Variants in CSMD3 observed in about 807,000 individuals in gnomAD.
The protein encoded by CSMD3 is CUB and sushi domain-containing protein 3.
CSMD3 carries 177 observed loss-of-function variants against 435.2 expected under a neutral mutation model. The observed-to-expected ratio is 0.41, with a 90% CI of 0.36 to 0.46. The LOEUF (loss-of-function observed/expected upper bound fraction) is 0.46, where lower values mean the gene tolerates loss of function less well. CSMD3 is among the 20% of genes least tolerant of loss of function. CSMD3 has a pLI of 0.34. For missense variants in CSMD3, 4,265 were observed against 4,504.6 expected (o/e 0.95, Z 1.52); for synonymous variants, 1,656 against 1,520.5 (o/e 1.09, Z -2.07).
Position 112,265,576 on chromosome 8 carries a change from C to G in CSMD3, c.9523G>C (p.Asp3175His), listed in dbSNP as rs767160647. Reference sequence around the variant, plus strand: ...AGTCCATTGGCTGGTATACCTGGGTCTCCACAACTGATTACTGTCAGTATT... The same window carrying G: ...AGTCCATTGGCTGGTATACCTGGGTGTCCACAACTGATTACTGTCAGTATT... The part of the protein sequence containing the change: ...LPNCTIISCG[D>H]PGIPANGLRY... The change falls in exon 60 of 71, where the codon GAC (aspartate) becomes CAC (histidine). Residue 3175 changes from aspartate to histidine, a missense_variant. Around this residue, in one of 3 missense-constraint regions of CSMD3, gnomAD observed 3,255 missense variants for 3,380.2 expected, o/e 0.96. Transcript: ENST00000297405. The G allele has an allele frequency of 1.9e-6, 3 of 1,612,560 alleles. No homozygotes were observed. In the East Asian group the frequency reaches 6.7e-5, roughly 36 times the overall value.
chr8:112,582,974 T>G (rs1830443287), intron 23 of CSMD3, among the ~76,000 whole-genome samples: 1 of 151,930 alleles, frequency 6.6e-6, no homozygotes, highest in African/African-American at 2.4e-5. Context: ...AAAAATAAAT[T>G]TATGTCGTTT....
intron 6 of CSMD3, among the ~76,000 whole-genome samples, chr8:113,013,831 A>G (rs1346013230): frequency 1.3e-5 from 2 of 152,150 alleles, no homozygotes; most frequent in Non-Finnish European, 2.9e-5. Context: ...TGTTAAGGCT[A>G]GAAAGCTAAA....
intron 4 of CSMD3, among the ~76,000 whole-genome samples, chr8:113,159,187 C>A (rs747400746): frequency 9.9e-5 from 15 of 151,512 alleles, no homozygotes; most frequent in Non-Finnish European, 2.1e-4. Flanking sequence ...TAATTACAGT[C>A]GTGTGATTTC....
chr8:113,129,325 C>T (rs1004432364), intron 4 of CSMD3, among the ~76,000 whole-genome samples: 13 of 152,012 alleles, frequency 8.6e-5, no homozygotes, highest in Non-Finnish European at 1.3e-4. Flanking sequence ...GAGTATAATA[C>T]GTAGAGATGA....
intron 58 of CSMD3, 71 bp downstream of exon 58, chr8:112,286,993 G>T (rs2130631331): frequency 8.2e-7 from 1 of 1,220,352 alleles, no homozygotes; most frequent in Non-Finnish European, 1.2e-6. Flanking sequence ...TTTCCTAGTA[G>T]TACTCATCTG....
At chr8:113,289,341 A>C (rs1012561375) in intron 2 of CSMD3, among the ~76,000 whole-genome samples, 13 of 151,936 alleles carry the variant, frequency 8.6e-5, no homozygotes, top group South Asian at 6.2e-4. Flanking sequence ...GGATAAATGT[A>C]GTATTTCTTC....
At chr8:112,665,582 T>G (rs1209286932) in intron 17 of CSMD3, among the ~76,000 whole-genome samples, 1 of 152,146 alleles carries the variant, frequency 6.6e-6, no homozygotes, top group Non-Finnish European at 1.5e-5. Flanking sequence ...ATAAGTTTTT[T>G]TGTTCATCTG....
At chr8:112,632,585 A>G (rs1025284127) in intron 22 of CSMD3, among the ~76,000 whole-genome samples, 36 of 152,160 alleles carry the variant, frequency 2.4e-4, no homozygotes, top group African/African-American at 8.4e-4. Context: ...ATGTTCTTTC[A>G]TTAGCTCGTT....
chr8:113,303,928 A>C (rs1032022539), intron 2 of CSMD3, among the ~76,000 whole-genome samples: 1 of 138,380 alleles, frequency 7.2e-6, no homozygotes, highest in South Asian at 2.5e-4. Flanking sequence ...TAATTAAACT[A>C]AAGAGCTTCT....
chr8:113,299,922 G>A (rs1187362703), intron 2 of CSMD3, among the ~76,000 whole-genome samples: 1 of 151,916 alleles, frequency 6.6e-6, no homozygotes, highest in Non-Finnish European at 1.5e-5. Flanking sequence ...GAACCCAGAG[G>A]CAGAGGTTGC....
At chr8:113,314,992 T>C (rs538472813) in intron 1 of CSMD3, among the ~76,000 whole-genome samples, 199 bp from the exon 2 acceptor site, 1 of 152,310 alleles carries the variant, frequency 6.6e-6, no homozygotes, top group Admixed American at 6.5e-5. Flanking sequence ...ATTTATCATT[T>C]ATAATACATA....
chr8:113,106,045 A>T (rs1056259575), intron 4 of CSMD3, among the ~76,000 whole-genome samples: 1 of 152,120 alleles, frequency 6.6e-6, no homozygotes. Flanking sequence ...AAGGGTTAGC[A>T]CACTATACCC....
chr8:113,414,359 A>G (rs1322838443), intron 1 of CSMD3, among the ~76,000 whole-genome samples: 1 of 152,216 alleles, frequency 6.6e-6, no homozygotes, highest in East Asian at 1.9e-4. Flanking sequence ...CTATTGTTAT[A>G]TCATAGTACA....
chr8:112,496,130 C>T (rs1224043324), intron 30 of CSMD3, among the ~76,000 whole-genome samples: 6 of 151,950 alleles, frequency 3.9e-5, no homozygotes, highest in Non-Finnish European at 7.4e-5. Flanking sequence ...CCACCACGCC[C>T]GGCCAATTTT....
chr8:112,304,536 GCTAGAAAAGCATTTA>G (rs1236418617), intron 52 of CSMD3, among the ~76,000 whole-genome samples, 170 bp downstream of exon 52: 2 of 151,948 alleles, frequency 1.3e-5, no homozygotes, highest in Admixed American at 1.3e-4. Flanking sequence ...TTTTCTATTT[GCTAGAAAAGCATTTA>G]CTAATACATA....
chr8:113,261,996 TG>T (rs1348208859), intron 3 of CSMD3, among the ~76,000 whole-genome samples: 2 of 152,112 alleles, frequency 1.3e-5, no homozygotes, highest in African/African-American at 2.4e-5. Flanking sequence ...TTACAGTATC[TG>T]AGTGATAAAG....
chr8:112,258,467 G>C (rs1218627090), intron 61 of CSMD3, among the ~76,000 whole-genome samples: 1 of 152,070 alleles, frequency 6.6e-6, no homozygotes, highest in African/African-American at 2.4e-5. Context: ...GTGGACAAAG[G>C]ATATGAACAT....
intron 4 of CSMD3, among the ~76,000 whole-genome samples, chr8:113,173,246 T>C (rs942205683): frequency 1.3e-5 from 2 of 152,194 alleles, no homozygotes; most frequent in African/African-American, 4.8e-5. Context: ...GTGAAAGAGA[T>C]ACTAGTCAAT....
At chr8:112,751,032 TC>T (rs2077557351) in intron 13 of CSMD3, among the ~76,000 whole-genome samples, 1 of 151,190 alleles carries the variant, frequency 6.6e-6, no homozygotes, top group African/African-American at 2.4e-5. Context: ...CTTGAAACAA[TC>T]CCCTAGTATA....
Sources: allele counts gnomAD v4.1 joint callset (sites outside exome capture counted in the v4.1 genomes callset), GRCh38; gene constraint gnomAD v4.1.1; regional missense constraint gnomAD v4.1.1; transcripts MANE v1.5; gene names NCBI Gene and HGNC (gene_info 2026-07-23, HGNC 2026-07-21).